The following PCDH15 variants were observed in gnomAD, a reference collection of about 807,000 sequenced individuals.
PCDH15 encodes the protein protocadherin related 15.
PCDH15 carries 129 observed loss-of-function variants against 178.5 expected under a neutral mutation model. The observed-to-expected ratio is 0.72, with a 90% CI of 0.63 to 0.84. The LOEUF (loss-of-function observed/expected upper bound fraction) is 0.84. PCDH15 is among the 40% of genes least tolerant of loss of function. PCDH15 has a pLI of 0.00. For missense variants in PCDH15, 2,230 were observed against 2,099.9 expected, an observed-to-expected ratio of 1.06 and a Z score of -1.21; for synonymous variants, 800 against 732.0, an observed-to-expected ratio of 1.09 and a Z score of -1.50.
upstream of PCDH15, among the ~76,000 whole-genome samples, chr10:54,803,888 C>T (rs1012872272): frequency 1.3e-5 from 2 of 151,998 alleles, no homozygotes; most frequent in African/African-American, 4.8e-5. Flanking sequence ...TCACATAATA[C>T]AGTTTAAAAA....
At chr10:55,418,459 C>T (rs1838538093) in intron 2 of PCDH15, among the ~76,000 whole-genome samples, 1 of 151,660 alleles carries the variant, frequency 6.6e-6, no homozygotes, top group Admixed American at 6.6e-5. Flanking sequence ...CAAAATTATA[C>T]TCTAAAATAG....
chr10:55,411,535 TA>T (rs1838331920), intron 2 of PCDH15, among the ~76,000 whole-genome samples: 1 of 152,108 alleles, frequency 6.6e-6, no homozygotes, highest in African/African-American at 2.4e-5. Flanking sequence ...CTATTTGCCT[TA>T]TCAAGTATTT....
intron 3 of PCDH15, among the ~76,000 whole-genome samples, chr10:54,429,334 A>G (rs557988622): frequency 1.3e-5 from 2 of 152,296 alleles, no homozygotes; most frequent in African/African-American, 2.4e-5. Context: ...AAATTACAGC[A>G]GATACACAAA....
At chr10:54,762,896 A>G (rs1007940647) in intron 1 of PCDH15, among the ~76,000 whole-genome samples, 22 of 152,198 alleles carry the variant, frequency 1.4e-4, no homozygotes, top group African/African-American at 5.3e-4. Flanking sequence ...CATATTTTAT[A>G]TAAAGTATAG....
chr10:54,706,746 C>T (rs1275778724), intron 1 of PCDH15, among the ~76,000 whole-genome samples: 1 of 152,140 alleles, frequency 6.6e-6, no homozygotes, highest in East Asian at 1.9e-4. Context: ...GCCTCAACCT[C>T]CTGAGTAGCT....
At chr10:54,735,586 A>G (rs1181622522) in intron 1 of PCDH15, among the ~76,000 whole-genome samples, 1 of 142,096 alleles carries the variant, frequency 7.0e-6, no homozygotes, top group African/African-American at 2.6e-5. Flanking sequence ...TTGCGGCATT[A>G]TTCACAATAG....
At chr10:54,730,491 A>C (rs879322430) in intron 1 of PCDH15, among the ~76,000 whole-genome samples, 1 of 151,502 alleles carries the variant, frequency 6.6e-6, no homozygotes, top group African/African-American at 2.4e-5. Context: ...CCAAGCCCCC[A>C]TGGCATGCAA....
rs549571713 is a variant in PCDH15, at chr10:53,906,845, G to A, written c.3374-3475C>T. ...AACAAACCAAAAAACAACCCACTAG[G>A]CTTAAGAATCATACCCTGGGGACAC... is the stretch of plus-strand genomic sequence containing the variant. On this transcript the variant is annotated intron_variant, in intron 25 of 37. Transcript: ENST00000644397. 6.6e-5 allele frequency: 10 copies of A among 150,576 alleles called. No individual in the cohort carries two copies. In the East Asian group the frequency reaches 2.0e-3, roughly 29 times the overall value. 9.3% of individuals were successfully genotyped at this position (150,576 alleles called of 1,614,324 possible).
intron 2 of PCDH15, among the ~76,000 whole-genome samples, chr10:55,605,364 G>A (rs1278568074): frequency 6.6e-6 from 1 of 151,200 alleles, no homozygotes; most frequent in African/African-American, 2.4e-5. Context: ...CCAATCAATA[G>A]AAAAAGAGGG....
At chr10:55,181,743 T>A (rs1030066844) in intron 1 of PCDH15, among the ~76,000 whole-genome samples, 1 of 151,870 alleles carries the variant, frequency 6.6e-6, no homozygotes, top group African/African-American at 2.4e-5. Context: ...CCTAATGAGA[T>A]GTAGATTAAA....
chr10:54,713,427 C>T (rs933795624), intron 1 of PCDH15, among the ~76,000 whole-genome samples: 2 of 152,044 alleles, frequency 1.3e-5, no homozygotes, highest in Admixed American at 1.3e-4. Flanking sequence ...CAATATTCTA[C>T]CTTTCATAGT....
Position 54,743,096 on chromosome 10 carries a change from T to C in PCDH15, c.-29+57829A>G, listed in dbSNP as rs111280830. 2.1e-3 allele frequency among the ~76,000 whole-genome samples: 322 copies of C among 152,024 alleles called. 1 individual carries two copies. Among genetic ancestry groups the C allele is most frequent in the African/African-American group, 7.5e-3 (310 of 41,502 alleles). The stretch of plus-strand genomic sequence containing the variant: ...CAGAAGTGAGTAACCAGCAGAAAAG[T>C]AGATAAAGGTTCTGATCTGGATCCA... On this transcript the variant is annotated intron_variant, in intron 1 of 37. Transcript: ENST00000644397.
At chr10:54,828,772 T>C (rs34086020) in intron 3 of PCDH15, among the ~76,000 whole-genome samples, 2,117 of 151,936 alleles carry the variant, frequency 0.014, 19 homozygotes, top group South Asian at 0.024. Context: ...GAGACAAAAA[T>C]AAACAGTCAC....
intron 2 of PCDH15, among the ~76,000 whole-genome samples, chr10:55,100,178 C>A (rs1394116474): frequency 6.6e-6 from 1 of 152,072 alleles, no homozygotes; most frequent in Non-Finnish European, 1.5e-5. Context: ...CTTGTATTTT[C>A]AGATCAGAAA....
intron 3 of PCDH15, among the ~76,000 whole-genome samples, chr10:54,416,858 C>T (rs544619699): frequency 2.3e-4 from 35 of 152,250 alleles, no homozygotes; most frequent in East Asian, 5.8e-4. Context: ...TCTTGATTTG[C>T]ACTTCTCTAA....
At chr10:54,718,273 T>A (rs111504016) in intron 1 of PCDH15, among the ~76,000 whole-genome samples, 17,868 of 150,606 alleles carry the variant, frequency 0.12, 1,215 homozygotes, top group African/African-American at 0.16. Flanking sequence ...ATAATAATAA[T>A]AAAAAGAAAA....
intron 1 of PCDH15, among the ~76,000 whole-genome samples, chr10:54,764,121 G>A (rs1050996368): frequency 6.6e-6 from 1 of 151,890 alleles, no homozygotes; most frequent in Non-Finnish European, 1.5e-5. Flanking sequence ...ATTTTTTTCA[G>A]TGGTCTCTAA....
chr10:54,880,885 G>A (rs987073359), intron 3 of PCDH15, among the ~76,000 whole-genome samples: 9 of 151,286 alleles, frequency 5.9e-5, no homozygotes, highest in African/African-American at 2.2e-4. Flanking sequence ...ACATTTGATT[G>A]ACTTCCTGTT....
At chr10:55,092,993 T>C (rs1227475443) in intron 2 of PCDH15, among the ~76,000 whole-genome samples, 1 of 152,094 alleles carries the variant, frequency 6.6e-6, no homozygotes, top group Non-Finnish European at 1.5e-5. Flanking sequence ...GAATGTGAGA[T>C]GCTATTAATA....
Sources: gnomAD v4.1 joint callset for allele counts (sites outside exome capture counted in the v4.1 genomes callset) on GRCh38, gnomAD v4.1.1 for gene constraint, MANE v1.5 for transcripts, NCBI Gene and HGNC (gene_info 2026-07-23, HGNC 2026-07-21) for gene names.